The following ACYP2 variants were observed in gnomAD, a reference collection of about 807,000 sequenced individuals.
ACYP2 encodes acylphosphatase-2.
A neutral mutation model predicts 11.2 loss-of-function variants in ACYP2; 12 were observed. The ratio of observed to expected loss-of-function variants is 1.08; its 90% CI spans 0.69 to 1.74. The LOEUF is 1.74. Among genes scored for constraint, ACYP2 ranks in the 40% most tolerant of loss-of-function variants. ACYP2 has a pLI of 0.00. For synonymous variants in ACYP2, 43 were observed against 32.2 expected, an observed-to-expected ratio of 1.33 and a Z score of -1.13; for missense variants, 134 against 101.9, an observed-to-expected ratio of 1.31 and a Z score of -1.35.
chr2:54,121,934 C>A (rs887833857), intron 4 of ACYP2, among the ~76,000 whole-genome samples: 2 of 152,222 alleles, frequency 1.3e-5, no homozygotes, highest in African/African-American at 2.4e-5. Context: ...TTGGGGATAT[C>A]TGGCTTGGAG....
intron 6 of ACYP2, among the ~76,000 whole-genome samples, chr2:54,246,621 G>C (rs991367130): frequency 2.0e-5 from 3 of 151,916 alleles, no homozygotes; most frequent in African/African-American, 7.3e-5. Flanking sequence ...GAATGTCATA[G>C]GGTTTTCTAT....
At chr2:54,291,579 A>G (rs183597864) in intron 6 of ACYP2, among the ~76,000 whole-genome samples, 193 of 152,332 alleles carry the variant, frequency 1.3e-3, no homozygotes, top group Admixed American at 0.011. Context: ...AAGAGTTTCA[A>G]ATGTGATTTA....
chr2:54,302,868 A>G (rs778220915), intron 6 of ACYP2, among the ~76,000 whole-genome samples: 6 of 152,136 alleles, frequency 3.9e-5, no homozygotes. Flanking sequence ...TACTTTTACT[A>G]TACCTTCAAA....
intron 6 of ACYP2, among the ~76,000 whole-genome samples, chr2:54,198,579 T>G (rs1684615859): frequency 6.6e-6 from 1 of 151,212 alleles, no homozygotes; most frequent in Non-Finnish European, 1.5e-5. Flanking sequence ...TGTTTTTGTT[T>G]GTTTTGTTGT....
At chr2:54,256,026 G>T in intron 6 of ACYP2, 1 of 1,614,148 alleles carries the variant, frequency 6.2e-7, no homozygotes, top group Non-Finnish European at 8.5e-7. Context: ...GCTCCAAGCG[G>T]CCATCAAACA....
At chr2:54,270,600 T>C (rs1412244442) in intron 6 of ACYP2, among the ~76,000 whole-genome samples, 5 of 152,128 alleles carry the variant, frequency 3.3e-5, no homozygotes, top group African/African-American at 9.7e-5. Flanking sequence ...AAGCGAGATA[T>C]GTCTCAAAAT....
At chr2:54,295,792 ACT>A (rs1338397977) in intron 6 of ACYP2, among the ~76,000 whole-genome samples, 1 of 150,824 alleles carries the variant, frequency 6.6e-6, no homozygotes, top group African/African-American at 2.4e-5. Flanking sequence ...ACAGAGTATC[ACT>A]CTGTCGCCCA....
intron 6 of ACYP2, among the ~76,000 whole-genome samples, chr2:54,274,625 CAAAAAAAA>C (rs70944155): frequency 8.0e-5 from 3 of 37,686 alleles, no homozygotes; most frequent in African/African-American, 1.2e-4. Flanking sequence ...GACTCCATCT[CAAAAAAAA>C]AAAAAAAAAA....
intron 6 of ACYP2, chr2:54,255,408 G>A (rs1364703232): frequency 1.9e-6 from 3 of 1,613,994 alleles, no homozygotes; most frequent in Non-Finnish European, 2.5e-6. Context: ...AGAAGCCCGG[G>A]ATATTGCGAA....
intron 6 of ACYP2, among the ~76,000 whole-genome samples, chr2:54,289,906 GT>G (rs1558671184): frequency 1.3e-5 from 2 of 152,092 alleles, no homozygotes; most frequent in East Asian, 3.9e-4. Flanking sequence ...ACCACATGTA[GT>G]ATGCTCAATA....
At chr2:54,089,767 C>T (rs1245243765) in intron 4 of ACYP2, among the ~76,000 whole-genome samples, 1 of 151,644 alleles carries the variant, frequency 6.6e-6, no homozygotes, top group Non-Finnish European at 1.5e-5. Flanking sequence ...ACTTTTGCAC[C>T]AACCTAATAT....
chr2:54,291,676 A>T (rs1036671619), intron 6 of ACYP2, among the ~76,000 whole-genome samples: 1 of 152,216 alleles, frequency 6.6e-6, no homozygotes, highest in Non-Finnish European at 1.5e-5. Flanking sequence ...TGAGGCATCC[A>T]TTTAGCTGGT....
intron 6 of ACYP2, among the ~76,000 whole-genome samples, chr2:54,240,924 C>T (rs1195530128): frequency 6.6e-6 from 1 of 152,142 alleles, no homozygotes; most frequent in Non-Finnish European, 1.5e-5. Context: ...GACATTTAGG[C>T]CGAGGAGATG....
intron 6 of ACYP2, chr2:54,141,848 A>AT: frequency 1.8e-6 from 1 of 565,208 alleles, no homozygotes; most frequent in Non-Finnish European, 3.3e-6. Context: ...GTATTTATTT[A>AT]TTTTTTGAGA....
At chr2:54,096,270 C>CTA (rs1678569234) in intron 4 of ACYP2, among the ~76,000 whole-genome samples, 10 of 130,920 alleles carry the variant, frequency 7.6e-5, no homozygotes, top group African/African-American at 3.0e-4. Context: ...ACATCTCAGA[C>CTA]GATGGGTGGC....
chr2:54,283,851 A>G (rs1214762075), intron 6 of ACYP2, among the ~76,000 whole-genome samples: 1 of 152,258 alleles, frequency 6.6e-6, no homozygotes, highest in African/African-American at 2.4e-5. Context: ...GCACTGGCTC[A>G]CGCCTGTAAT....
At chr2:54,035,007 C>G (rs1225767634) in intron 2 of ACYP2, among the ~76,000 whole-genome samples, 8 of 35,736 alleles carry the variant, frequency 2.2e-4, no homozygotes, top group Middle Eastern at 0.019. Flanking sequence ...GAGACTACAT[C>G]TCAAAAAAAA....
intron 6 of ACYP2, among the ~76,000 whole-genome samples, chr2:54,260,012 A>T (rs996618475): frequency 1.3e-5 from 2 of 152,202 alleles, no homozygotes; most frequent in Non-Finnish European, 2.9e-5. Flanking sequence ...GGAGCATAAA[A>T]CTAATGATGT....
At chr2:54,183,833 T>A (rs1683857183) in intron 6 of ACYP2, among the ~76,000 whole-genome samples, 1 of 152,198 alleles carries the variant, frequency 6.6e-6, no homozygotes, top group African/African-American at 2.4e-5. Context: ...TCTTATATTT[T>A]CATGAAAATA....
Sources: allele counts gnomAD v4.1 joint callset (sites outside exome capture counted in the v4.1 genomes callset), GRCh38; gene constraint gnomAD v4.1.1; transcripts MANE v1.5; gene names NCBI Gene and HGNC (gene_info 2026-07-23, HGNC 2026-07-21).